The following CNTLN variants were observed in gnomAD, a reference collection of about 807,000 sequenced individuals.
The protein encoded by CNTLN is centlein, centrosomal protein.
Under a neutral mutation model 180.0 loss-of-function variants are expected in CNTLN, and 212 were observed. The ratio of observed to expected loss-of-function variants is 1.18; its 90% CI spans 1.05 to 1.32. CNTLN has a LOEUF of 1.32. CNTLN is among the 40% of genes most tolerant of loss of function. CNTLN has a pLI of 0.00. For missense variants in CNTLN, 2,095 were observed against 1,610.9 expected (o/e 1.30, Z -5.14); for synonymous variants, 722 against 563.1 (o/e 1.28, Z -3.99).
intron 1 of CNTLN, among the ~76,000 whole-genome samples, chr9:17,141,869 G>A (rs906743665): frequency 1.3e-5 from 2 of 152,046 alleles, no homozygotes; most frequent in African/African-American, 4.8e-5. Context: ...AGATCATGAG[G>A]TCAGGAGTTC....
chr9:17,253,758 A>ATT (rs1258917552), intron 5 of CNTLN, among the ~76,000 whole-genome samples: 5 of 108,884 alleles, frequency 4.6e-5, no homozygotes, highest in African/African-American at 1.3e-4. Flanking sequence ...TGTCTTTTCT[A>ATT]TTGTTTTTTT....
intron 14 of CNTLN, among the ~76,000 whole-genome samples, chr9:17,393,627 A>G (rs548520244): frequency 1.3e-5 from 2 of 152,258 alleles, no homozygotes; most frequent in East Asian, 3.9e-4. Flanking sequence ...GGTTCTACAT[A>G]CCTCACGTTT....
intron 18 of CNTLN, among the ~76,000 whole-genome samples, chr9:17,449,419 G>A (rs189521136): frequency 1.5e-4 from 23 of 151,732 alleles, no homozygotes; most frequent in African/African-American, 4.6e-4. Context: ...TGGGTGCAGC[G>A]CACCAGCGTG....
intron 18 of CNTLN, among the ~76,000 whole-genome samples, chr9:17,429,243 T>C (rs1438424938): frequency 6.6e-6 from 1 of 152,060 alleles, no homozygotes; most frequent in Non-Finnish European, 1.5e-5. Flanking sequence ...TCAACAATGC[T>C]AATATATAAG....
At chr9:17,211,991 C>T (rs151162380) in intron 2 of CNTLN, among the ~76,000 whole-genome samples, 5,085 of 152,236 alleles carry the variant, frequency 0.033, 103 homozygotes, top group East Asian at 0.075. Context: ...ACAGTCATGT[C>T]GTCTGCAAAC....
intron 6 of CNTLN, among the ~76,000 whole-genome samples, chr9:17,278,773 C>T (rs978080383): frequency 1.6e-4 from 25 of 151,842 alleles, no homozygotes; most frequent in Middle Eastern, 3.4e-3. Context: ...AAGAAAAAAA[C>T]GTTAGACTAA....
intron 18 of CNTLN, among the ~76,000 whole-genome samples, chr9:17,431,812 G>A (rs1829433789): frequency 6.6e-6 from 1 of 152,008 alleles, no homozygotes; most frequent in Non-Finnish European, 1.5e-5. Context: ...TCACTTACTA[G>A]GTATAACACC....
At chr9:17,513,109 G>A in the CNTLN span, among the ~76,000 whole-genome samples, 90,336 of 151,926 alleles carry the variant, frequency 0.59, 32,551 homozygotes, top group East Asian at 0.94. Context: ...CACGGTGCCC[G>A]GCCTAGTCTA....
At chr9:17,430,440 A>G (rs1015997036) in intron 18 of CNTLN, among the ~76,000 whole-genome samples, 3 of 152,030 alleles carry the variant, frequency 2.0e-5, no homozygotes, top group African/African-American at 7.2e-5. Context: ...ATAGTTGTTC[A>G]TATTTATGGG....
chr9:17,516,192 T>G, the CNTLN span, among the ~76,000 whole-genome samples: 1 of 152,206 alleles, frequency 6.6e-6, no homozygotes, highest in Non-Finnish European at 1.5e-5. Context: ...CAGCAACATA[T>G]TTCACATTGC....
chr9:17,141,597 T>C (rs913101364), intron 1 of CNTLN, among the ~76,000 whole-genome samples: 2 of 152,068 alleles, frequency 1.3e-5, no homozygotes, highest in Non-Finnish European at 2.9e-5. Flanking sequence ...TTTCCTAATT[T>C]AATGGAAACT....
chr9:17,284,465 G>T lies in CNTLN; in HGVS notation c.983+10599G>T, dbSNP rs1412800186. ...TGTTATTGGTCTATTCAGGGATTTA[G>T]CTTCTCCCTGGCTCAGTTTTGGGAG... On this transcript the variant is annotated intron_variant, in intron 6 of 25. Coordinates refer to ENST00000380647, the MANE Select transcript of CNTLN (RefSeq NM_017738.4). 5.3e-5 allele frequency among the ~76,000 whole-genome samples: 8 copies of T among 152,152 alleles called. No homozygotes were observed. The South Asian group carries it at 1.5e-3, about 28-fold the overall frequency.
chr9:17,495,891 C>T (rs987328338), intron 25 of CNTLN, among the ~76,000 whole-genome samples: 2 of 152,124 alleles, frequency 1.3e-5, no homozygotes, highest in East Asian at 1.9e-4. Flanking sequence ...GATTGTATTA[C>T]ATTTGCCTAC....
At chr9:17,230,235 T>C (rs561975122) in intron 3 of CNTLN, among the ~76,000 whole-genome samples, 1 of 152,314 alleles carries the variant, frequency 6.6e-6, no homozygotes, top group South Asian at 2.1e-4. Flanking sequence ...TCGGCTACTA[T>C]ACAAAAATAT....
chr9:17,369,731 A>T (rs949251411), intron 13 of CNTLN, among the ~76,000 whole-genome samples: 1 of 151,828 alleles, frequency 6.6e-6, no homozygotes, highest in Non-Finnish European at 1.5e-5. Flanking sequence ...TCATGCCTGT[A>T]ATCCCAGCAC....
intron 18 of CNTLN, among the ~76,000 whole-genome samples, chr9:17,436,793 C>A (rs1043881835): frequency 6.6e-6 from 1 of 152,138 alleles, no homozygotes; most frequent in Non-Finnish European, 1.5e-5. Flanking sequence ...TTTTAAATAG[C>A]CTCATTTCCG....
intron 10 of CNTLN, among the ~76,000 whole-genome samples, chr9:17,333,593 A>G (rs964981190): frequency 1.3e-5 from 2 of 152,190 alleles, no homozygotes; most frequent in African/African-American, 4.8e-5. Flanking sequence ...TGTGTTCTAA[A>G]ACAAAATAGG....
intron 16 of CNTLN, 28 bp downstream of exon 16, chr9:17,409,501 A>T (rs763764693): frequency 6.6e-7 from 1 of 1,511,398 alleles, no homozygotes; most frequent in South Asian, 1.3e-5. Flanking sequence ...GCTTAATTGT[A>T]TGCTATGTTT....
intron 15 of CNTLN, among the ~76,000 whole-genome samples, chr9:17,408,240 G>T (rs1484367824): frequency 6.6e-6 from 1 of 151,224 alleles, no homozygotes; most frequent in East Asian, 1.9e-4. Context: ...GTCTCAAGCA[G>T]CATATAATGA....
Sources: gnomAD v4.1 joint callset for allele counts (sites outside exome capture counted in the v4.1 genomes callset) on GRCh38, gnomAD v4.1.1 for gene constraint, MANE v1.5 for transcripts, NCBI Gene and HGNC (gene_info 2026-07-23, HGNC 2026-07-21) for gene names.